Variants in PCDHGB4 observed in about 807,000 individuals in gnomAD.
PCDHGB4 encodes protocadherin gamma-B4.
In PCDHGB4, 38 loss-of-function variants were observed where a neutral mutation model predicts 60.5. The ratio of observed to expected loss-of-function variants is 0.63; its 90% CI spans 0.48 to 0.82. The LOEUF is 0.82. Among genes scored for constraint, PCDHGB4 ranks in the 40% least tolerant of loss-of-function variants. The pLI, the probability that PCDHGB4 is intolerant of heterozygous loss-of-function variation, is 0.00. For missense variants in PCDHGB4, 1,109 were observed against 1,209.6 expected (o/e 0.92, Z 1.23); for synonymous variants, 456 against 509.7 (o/e 0.89, Z 1.42).
chr5:141,412,459 A>C (rs1267719740), intron 1 of PCDHGB4: 1 of 152,232 alleles, frequency 6.6e-6, no homozygotes, highest in Non-Finnish European at 1.5e-5. Flanking sequence ...AAACTATTCT[A>C]GAAGAGTACT....
intron 1 of PCDHGB4, chr5:141,427,265 C>A (rs767369457): frequency 6.6e-6 from 3 of 456,572 alleles, no homozygotes; most frequent in Non-Finnish European, 8.8e-6. Context: ...GCATGACCAG[C>A]GAATGTAAAA....
At chr5:141,427,879 C>T in intron 1 of PCDHGB4, 1 of 1,562,380 alleles carries the variant, frequency 6.4e-7, no homozygotes. Context: ...ACGATGCAGG[C>T]CCACGACCAG....
Position 141,432,400 on chromosome 5 carries a change from G to C in PCDHGB4, c.2397+42119G>C, listed in dbSNP as rs139153105. ...ACCCGCCCCTCAGCAGCAACGTGTC[G>C]TTGAGCCTGTTCGTGCTGGACCAGA... is the stretch of plus-strand genomic sequence containing the variant. On this transcript the variant is annotated intron_variant, in intron 1 of 3. Coordinates refer to ENST00000519479, the MANE Select transcript of PCDHGB4 (RefSeq NM_003736.4). This position sits in a 1 kb window ranked among gnomAD's most constrained non-coding sequence, Gnocchi z 6.0. 1.2e-6 allele frequency: 2 copies of C among 1,614,240 alleles called. No individual in the cohort carries two copies. Among genetic ancestry groups the C allele is most frequent in the South Asian group, 2.2e-5 (2 of 91,090 alleles).
intron 1 of PCDHGB4, among the ~76,000 whole-genome samples, chr5:141,445,978 TTATAAA>T (rs551337386): frequency 6.6e-6 from 1 of 152,272 alleles, no homozygotes; most frequent in East Asian, 1.9e-4. Context: ...TTTATGAGGG[TTATAAA>T]TAGAAATAGG....
chr5:141,485,964 T>A lies in PCDHGB4; in HGVS notation c.2398-8843T>A. 1 of 1,614,162 alleles carries A rather than the reference T, an allele frequency of 6.2e-7. No homozygotes were observed. The highest frequency in any genetic ancestry group is 8.5e-7 in the Non-Finnish European group (1 of 1,180,000). On this transcript the variant is annotated intron_variant, in intron 1 of 3. Transcript: ENST00000519479. The surrounding 1 kb of genome is among the most constrained non-coding windows in gnomAD (Gnocchi z 5.7). ...CCAGCGGGCATGGTGCTCATCCAGC[T>A]CAATGCCTCAGACCCGGACCTGGGT...
At chr5:141,428,064 G>C in intron 1 of PCDHGB4, 1 of 1,609,060 alleles carries the variant, frequency 6.2e-7, no homozygotes, top group East Asian at 2.2e-5. Flanking sequence ...GGCGGTGGAC[G>C]CAGATTCGGG....
intron 2 of PCDHGB4, 57 bp downstream of exon 2, chr5:141,494,922 C>G: frequency 6.2e-7 from 1 of 1,613,670 alleles, no homozygotes; most frequent in Admixed American, 1.7e-5. Context: ...TCAGGGATGA[C>G]GTGGGAGGAG....
rs1347978078 is a variant in PCDHGB4, at chr5:141,486,800, C to G, written c.2398-8007C>G. ...GGTGCAGGCCCGGGATCGGGGCAAC[C>G]CACCCCTTAGCAGCACTGTAACAGT... On this transcript the variant is annotated intron_variant, in intron 1 of 3. Coordinates refer to ENST00000519479, the MANE Select transcript of PCDHGB4 (RefSeq NM_003736.4). The surrounding 1 kb of genome is among the most constrained non-coding windows in gnomAD (Gnocchi z 5.0). 1.9e-6 allele frequency: 3 copies of G among 1,614,104 alleles called. No individual in the cohort carries two copies. In the Admixed American group the frequency reaches 5.0e-5, roughly 27 times the overall value.
intron 1 of PCDHGB4, chr5:141,475,983 C>A: frequency 9.5e-7 from 1 of 1,049,244 alleles, no homozygotes; most frequent in Non-Finnish European, 1.4e-6. Context: ...GAACAGCCGG[C>A]GAGCAAATCA....
chr5:141,409,447 A>C, intron 1 of PCDHGB4: 1 of 1,614,008 alleles, frequency 6.2e-7, no homozygotes, highest in Non-Finnish European at 8.5e-7. Context: ...GAGAGCAGAC[A>C]CCAGAATACA....
At position 141,491,899 on chromosome 5, in the gene PCDHGB4, G is replaced by A; in HGVS notation, c.2398-2908G>A. The A allele has an allele frequency of 7.0e-7, 1 of 1,433,322 alleles. No homozygotes were observed. Among genetic ancestry groups the A allele is most frequent in the South Asian group, 1.5e-5 (1 of 67,156 alleles). The allele number at this position is 1,433,322 out of a possible 1,614,324, so 88.8% of individuals were successfully genotyped here. A position where few individuals can be genotyped will look rare whatever the true frequency, so the allele number is the denominator to read the frequency against. On this transcript the variant is annotated intron_variant, in intron 1 of 3. Coordinates refer to ENST00000519479, the MANE Select transcript of PCDHGB4 (RefSeq NM_003736.4). The surrounding 1 kb of genome is among the most constrained non-coding windows in gnomAD (Gnocchi z 6.9). ...TTAAGGGATGGGGCTCCGAGCACCG[G>A]GGGTGGTGGCGACTGTGGGCGAGGG... is the stretch of plus-strand genomic sequence containing the variant.
At chr5:141,413,257 T>C (rs777964429) in intron 1 of PCDHGB4, 3 of 1,613,954 alleles carry the variant, frequency 1.9e-6, no homozygotes, top group African/African-American at 1.3e-5. Flanking sequence ...CGGGATTCCA[T>C]GGGAGGCTGG....
At chr5:141,396,830 G>C (rs1014090361) in intron 1 of PCDHGB4, among the ~76,000 whole-genome samples, 1 of 152,198 alleles carries the variant, frequency 6.6e-6, no homozygotes, top group African/African-American at 2.4e-5. Flanking sequence ...TGCATATTCA[G>C]TGGAGTGGGA....
chr5:141,460,726 A>G lies in PCDHGB4; in HGVS notation c.2398-34081A>G, dbSNP rs545089217. ...GAGAATAAACTATTGTTATAAGCAT[A>G]TATACACATTGTATATATATGTGTA... On this transcript the variant is annotated intron_variant, in intron 1 of 3. Coordinates refer to ENST00000519479, the MANE Select transcript of PCDHGB4 (RefSeq NM_003736.4). Among the ~76,000 whole-genome samples the G allele has an allele frequency of 6.6e-5, 10 of 152,252 alleles. No homozygotes were observed. In the East Asian group the frequency reaches 1.9e-3, roughly 29 times the overall value.
chr5:141,388,659 A>C lies in PCDHGB4; in HGVS notation c.775A>C (p.Thr259Pro), dbSNP rs777197911. 1 of 1,613,882 alleles carries C rather than the reference A, an allele frequency of 6.2e-7. No homozygotes were observed. Among genetic ancestry groups the C allele is most frequent in the East Asian group, 2.2e-5 (1 of 44,882 alleles). The change falls in exon 1 of 4, where the codon ACC becomes CCC. Residue 259 changes from threonine to proline, a missense_variant. This residue lies in a region of PCDHGB4 where 1,068 missense variants were observed against 1,089.9 expected (regional missense o/e 0.98). Coordinates refer to ENST00000519479, the MANE Select transcript of PCDHGB4 (RefSeq NM_003736.4). ...VSLSENVYPGTTVLQVTATDQ... is the reference protein window; with the variant it reads ...VSLSENVYPGPTVLQVTATDQ... ...CCTTTCAGAAAACGTGTACCCGGGG[A>C]CCACGGTGCTACAGGTGACTGCCAC... is the stretch of plus-strand genomic sequence containing the variant.
chr5:141,511,117 G>A lies in PCDHGB4; in HGVS notation c.2716G>A (p.Ala906Thr). Residue 906 changes from alanine to threonine, a missense_variant, in exon 4 of 4, where the codon GCC becomes ACC. Physicochemically the swap from Ala to Thr is moderately conservative, Grantham distance 58. Around this residue, in one of 2 missense-constraint regions of PCDHGB4, gnomAD observed 1,068 missense variants for 1,089.9 expected, o/e 0.98. Coordinates refer to ENST00000519479, the MANE Select transcript of PCDHGB4 (RefSeq NM_003736.4). ...TNAAGKRDGK[A>T]PAGGNGNKKK... ...CGCAGCTGGCAAGCGGGATGGCAAG[G>A]CCCCAGCAGGTGGCAATGGCAACAA... 6.2e-7 allele frequency: 1 copy of A among 1,614,216 alleles called. No homozygotes were observed. Among genetic ancestry groups the A allele is most frequent in the Non-Finnish European group, 8.5e-7 (1 of 1,180,026 alleles).
intron 1 of PCDHGB4, chr5:141,414,536 C>T (rs2095757034): frequency 6.2e-7 from 1 of 1,613,976 alleles, no homozygotes; most frequent in African/African-American, 1.3e-5. Context: ...GACAACCCAC[C>T]TACCTTCTCT....
At chr5:141,413,550 A>C (rs2095653911) in intron 1 of PCDHGB4, 1 of 1,613,974 alleles carries the variant, frequency 6.2e-7, no homozygotes, top group Non-Finnish European at 8.5e-7. Context: ...GGATAGAAAT[A>C]GAAGTAACTG....
chr5:141,414,067 C>G (rs998058224), intron 1 of PCDHGB4: 1 of 1,607,570 alleles, frequency 6.2e-7, no homozygotes, highest in Non-Finnish European at 8.5e-7. Flanking sequence ...GAAGTTCCAA[C>G]TAAACAAATA....
Sources: gnomAD v4.1 joint callset for allele counts (sites outside exome capture counted in the v4.1 genomes callset) on GRCh38, gnomAD v4.1.1 for gene constraint, gnomAD v4.1.1 regional missense constraint, Gnocchi (gnomAD v3.1) non-coding constraint, MANE v1.5 for transcripts, NCBI Gene and HGNC (gene_info 2026-07-23, HGNC 2026-07-21) for gene names.